RALYL: variants seen among roughly 807,000 people sequenced by gnomAD.
RALYL encodes the protein RALY RNA binding protein like.
Under a neutral mutation model 35.1 loss-of-function variants are expected in RALYL, and 29 were observed. The ratio of observed to expected loss-of-function variants is 0.83; its 90% CI spans 0.61 to 1.13. The LOEUF (loss-of-function observed/expected upper bound fraction) is 1.13, where lower values mean the gene tolerates loss of function less well. Among genes scored for constraint, RALYL ranks in the 50% most tolerant of loss-of-function variants. The pLI is 0.00. For missense variants in RALYL, 359 were observed against 360.4 expected, an observed-to-expected ratio of 1.00 and a Z score of 0.03; for synonymous variants, 120 against 127.6, an observed-to-expected ratio of 0.94 and a Z score of 0.40.
At position 84,599,471 on chromosome 8, in the gene RALYL, G is replaced by C. The variant is rs1260663574; in HGVS notation, c.256+69894G>C. ...GTCAAAAAACAATATAAGAAAATAG[G>C]CTTCTTCCTCCCATAGAAGTTAGTA... On this transcript the variant is annotated intron_variant, in intron 2 of 8. Transcript: ENST00000521268. Among the ~76,000 whole-genome samples, 4 of 151,714 alleles carry C rather than the reference G, an allele frequency of 2.6e-5. No homozygotes were observed. In the South Asian group the frequency reaches 8.3e-4, roughly 32 times the overall value.
At chr8:84,414,865 T>C (rs141664899) in intron 1 of RALYL, among the ~76,000 whole-genome samples, 3 of 152,118 alleles carry the variant, frequency 2.0e-5, no homozygotes, top group East Asian at 1.9e-4. Flanking sequence ...GAGAGATGAA[T>C]GTTCTGCTTC....
intron 7 of RALYL, among the ~76,000 whole-genome samples, chr8:84,877,823 C>G (rs1841457886): frequency 6.6e-6 from 1 of 152,156 alleles, no homozygotes; most frequent in Non-Finnish European, 1.5e-5. Context: ...GATCTGACTG[C>G]TGTAGCCTAT....
chr8:84,199,000 G>T (rs1426040529), intron 1 of RALYL, among the ~76,000 whole-genome samples: 1 of 152,066 alleles, frequency 6.6e-6, no homozygotes, highest in African/African-American at 2.4e-5. Flanking sequence ...TTTCTTTTGG[G>T]TATATACTCC....
At position 84,518,953 on chromosome 8, in the gene RALYL, AG is replaced by A. The variant is rs1407150268; in HGVS notation, c.-23-10345del. ...CTCCTGCAATTTAGCTCTTTGTGAC[AG>A]AGAGTTTTAAAATGGAGAAAGATGT... On this transcript the variant is annotated intron_variant, in intron 1 of 8. Coordinates refer to ENST00000521268, the MANE Select transcript of RALYL (RefSeq NM_173848.7). 2.6e-5 allele frequency among the ~76,000 whole-genome samples: 4 copies of A among 152,344 alleles called. 1 individual carries two copies. Among genetic ancestry groups the A allele is most frequent in the Admixed American group, 2.6e-4 (4 of 15,298 alleles).
At chr8:84,680,553 A>T (rs1835231889) in intron 2 of RALYL, among the ~76,000 whole-genome samples, 1 of 152,144 alleles carries the variant, frequency 6.6e-6, no homozygotes, top group African/African-American at 2.4e-5. Flanking sequence ...AACTGGTGTG[A>T]GATGGTATCT....
chr8:84,289,792 T>C (rs1838406248), intron 1 of RALYL, among the ~76,000 whole-genome samples: 3 of 152,298 alleles, frequency 2.0e-5, no homozygotes, highest in Admixed American at 6.5e-5. Flanking sequence ...TTATACTGTT[T>C]ATATTATTTT....
At chr8:84,331,667 C>T (rs1160188282) in intron 1 of RALYL, among the ~76,000 whole-genome samples, 1 of 151,990 alleles carries the variant, frequency 6.6e-6, no homozygotes, top group Admixed American at 6.6e-5. Flanking sequence ...TTAGTTTTTT[C>T]CCAAGATATT....
At chr8:84,833,543 C>G (rs1831339599) in intron 4 of RALYL, among the ~76,000 whole-genome samples, 1 of 150,432 alleles carries the variant, frequency 6.6e-6, no homozygotes, top group African/African-American at 2.5e-5. Context: ...GAGGCTGAGG[C>G]AGGAGAATTG....
At chr8:84,569,588 T>TCCAAA (rs1254316773) in intron 2 of RALYL, among the ~76,000 whole-genome samples, 2 of 151,962 alleles carry the variant, frequency 1.3e-5, no homozygotes, top group Non-Finnish European at 2.9e-5. Context: ...CTTTCCAGTT[T>TCCAAA]AATTAACTGT....
intron 2 of RALYL, among the ~76,000 whole-genome samples, chr8:84,549,038 C>T (rs2060544135): frequency 6.6e-6 from 1 of 152,212 alleles, no homozygotes; most frequent in Admixed American, 6.5e-5. Context: ...GGATCTACTA[C>T]ATCCAAAGGG....
intron 1 of RALYL, among the ~76,000 whole-genome samples, chr8:84,230,197 A>G (rs12679223): frequency 0.068 from 10,371 of 152,180 alleles, 590 homozygotes; most frequent in East Asian, 0.15. Flanking sequence ...CTAAAAATAT[A>G]TATGTGATAT....
intron 2 of RALYL, among the ~76,000 whole-genome samples, chr8:84,614,179 T>C (rs2130920222): frequency 6.6e-6 from 1 of 151,780 alleles, no homozygotes; most frequent in East Asian, 1.9e-4. Context: ...TGGCACACAG[T>C]AAGAACTCAG....
chr8:84,866,990 G>A (rs959497396), intron 6 of RALYL, among the ~76,000 whole-genome samples: 1 of 152,068 alleles, frequency 6.6e-6, no homozygotes, highest in Non-Finnish European at 1.5e-5. Flanking sequence ...ACCACAGTTC[G>A]GGTGGCTTAA....
intron 2 of RALYL, among the ~76,000 whole-genome samples, chr8:84,581,270 G>C (rs1417286880): frequency 2.0e-5 from 3 of 152,106 alleles, no homozygotes. Context: ...TCTTTACTTA[G>C]GGGTCAGAAT....
At chr8:84,823,494 T>C (rs1482901534) in intron 4 of RALYL, among the ~76,000 whole-genome samples, 1 of 152,132 alleles carries the variant, frequency 6.6e-6, no homozygotes, top group Non-Finnish European at 1.5e-5. Flanking sequence ...TGGAGATAGG[T>C]AGTAGCACCA....
At chr8:84,876,245 A>G (rs1841118717) in intron 7 of RALYL, among the ~76,000 whole-genome samples, 1 of 152,172 alleles carries the variant, frequency 6.6e-6, no homozygotes. Flanking sequence ...TTAGGTCTCA[A>G]GTCTTTCAAA....
chr8:84,739,457 TG>T (rs1204168897), intron 2 of RALYL, among the ~76,000 whole-genome samples: 4 of 151,864 alleles, frequency 2.6e-5, no homozygotes, highest in Admixed American at 1.3e-4. Context: ...AGGAAAGATA[TG>T]AATTAGAATT....
chr8:84,784,733 T>C lies in RALYL; in HGVS notation c.332+10079T>C, dbSNP rs187828855. 6.2e-4 allele frequency among the ~76,000 whole-genome samples: 95 copies of C among 152,284 alleles called. 1 individual carries two copies. Among genetic ancestry groups the C allele is most frequent in the Admixed American group, 2.3e-3 (35 of 15,282 alleles). On this transcript the variant is annotated intron_variant, in intron 3 of 8. Transcript: ENST00000521268. ...GAGAGTAATTCTTCTGATGGAATTA[T>C]AAGTACTAGAAGTGAAGCTAGATAG...
intron 1 of RALYL, among the ~76,000 whole-genome samples, chr8:84,423,243 T>C (rs2045897113): frequency 6.6e-6 from 1 of 151,736 alleles, no homozygotes; most frequent in Admixed American, 6.6e-5. Flanking sequence ...CTGCATTGGG[T>C]GCATATATAT....
Sources: allele counts gnomAD v4.1 joint callset (sites outside exome capture counted in the v4.1 genomes callset), GRCh38; gene constraint gnomAD v4.1.1; transcripts MANE v1.5; gene names NCBI Gene and HGNC (gene_info 2026-07-23, HGNC 2026-07-21).